The following KCNAB1 variants were observed in gnomAD, a reference collection of about 807,000 sequenced individuals.
The protein encoded by KCNAB1 is potassium voltage-gated channel subfamily A regulatory beta subunit 1, also known as voltage-gated potassium channel subunit beta-1.
KCNAB1 carries 35 observed loss-of-function variants against 64.6 expected under a neutral mutation model. The ratio of observed to expected loss-of-function variants is 0.54; its 90% CI spans 0.41 to 0.72. The LOEUF (loss-of-function observed/expected upper bound fraction) is 0.72, where lower values mean the gene tolerates loss of function less well. Ranked by LOEUF, KCNAB1 falls within the 30% of genes least tolerant of loss-of-function variation. The probability of loss-of-function intolerance (pLI) is 0.00; values close to 1 mark genes in which losing one functional copy is unlikely to be tolerated. For synonymous variants in KCNAB1, 177 were observed against 183.8 expected (o/e 0.96, Z 0.30); for missense variants, 401 against 512.9 (o/e 0.78, Z 2.11).
chr3:156,151,980 C>G (rs1715439200), intron 1 of KCNAB1, among the ~76,000 whole-genome samples: 1 of 152,158 alleles, frequency 6.6e-6, no homozygotes, highest in Non-Finnish European at 1.5e-5. Flanking sequence ...TGACTAATTG[C>G]AAGTCCGCCT....
At chr3:156,159,558 A>G (rs1715953066) in intron 1 of KCNAB1, among the ~76,000 whole-genome samples, 1 of 152,206 alleles carries the variant, frequency 6.6e-6, no homozygotes, top group Non-Finnish European at 1.5e-5. Context: ...GTACAATTAC[A>G]CAAGTGCCAC....
rs1162785902 is a variant in KCNAB1 at position 156,536,844 on chromosome 3, C to T, written c.*97C>T. 1 of 840,018 alleles carries T rather than the reference C, an allele frequency of 1.2e-6. No homozygotes were observed. Among genetic ancestry groups the T allele is most frequent in the African/African-American group, 1.7e-5 (1 of 60,074 alleles). The allele number at this position is 840,018 out of a possible 1,614,324, so 52.0% of individuals were successfully genotyped here. A position where few individuals can be genotyped will look rare whatever the true frequency, so the allele number is the denominator to read the frequency against. Reference sequence around the variant, plus strand: ...ACCAGTCTTTTGAATCACTTAGCAGCTTGCTGCTCAACCTCTAGTGTCCCT... The same window carrying T: ...ACCAGTCTTTTGAATCACTTAGCAGTTTGCTGCTCAACCTCTAGTGTCCCT... On this transcript the variant is annotated 3_prime_UTR_variant, in exon 14 of 14. Coordinates refer to ENST00000490337, the MANE Select transcript of KCNAB1 (RefSeq NM_172160.3).
intron 1 of KCNAB1, among the ~76,000 whole-genome samples, chr3:156,244,112 T>G (rs1046484141): frequency 1.3e-5 from 2 of 152,204 alleles, no homozygotes; most frequent in East Asian, 3.8e-4. Context: ...GACAACAAAT[T>G]TAGTGGCTTA....
At chr3:156,336,375 CAAACAAAA>C (rs1560202814) in intron 1 of KCNAB1, among the ~76,000 whole-genome samples, 1 of 140,258 alleles carries the variant, frequency 7.1e-6, no homozygotes. Context: ...AACAAACAAA[CAAACAAAA>C]AAAGAGTAAC....
chr3:156,303,219 C>T (rs1227631418), intron 1 of KCNAB1, among the ~76,000 whole-genome samples: 1 of 152,184 alleles, frequency 6.6e-6, no homozygotes, highest in Non-Finnish European at 1.5e-5. Flanking sequence ...GCCTAGAATA[C>T]TGGGCTTTGA....
At chr3:156,313,769 A>G (rs1281022829) in intron 1 of KCNAB1, among the ~76,000 whole-genome samples, 1 of 152,222 alleles carries the variant, frequency 6.6e-6, no homozygotes, top group Non-Finnish European at 1.5e-5. Context: ...TTTTTGTGAT[A>G]ATTTGTGATA....
chr3:156,291,020 C>G (rs899803731), intron 1 of KCNAB1: 1 of 985,702 alleles, frequency 1.0e-6, no homozygotes, highest in Non-Finnish European at 1.2e-6. Context: ...ATAAGCACCC[C>G]CTCTCTGCCT....
chr3:156,192,147 T>G (rs1041612732), intron 1 of KCNAB1, among the ~76,000 whole-genome samples: 2 of 152,226 alleles, frequency 1.3e-5, no homozygotes, highest in African/African-American at 4.8e-5. Flanking sequence ...CTTCTTTGAT[T>G]CAGCTTAATA....
chr3:156,303,552 T>C (rs1345509666), intron 1 of KCNAB1, among the ~76,000 whole-genome samples: 2 of 152,100 alleles, frequency 1.3e-5, no homozygotes, highest in Non-Finnish European at 2.9e-5. Flanking sequence ...TGACCTATAG[T>C]CTGGGAAGCA....
intron 1 of KCNAB1, among the ~76,000 whole-genome samples, chr3:156,329,472 A>AC (rs994524335): frequency 2.0e-5 from 3 of 152,072 alleles, no homozygotes; most frequent in South Asian, 4.1e-4. Flanking sequence ...CCGGGAGAGA[A>AC]CCCCCCAACA....
chr3:156,450,094 G>A (rs1038645482), intron 2 of KCNAB1, among the ~76,000 whole-genome samples: 3 of 152,192 alleles, frequency 2.0e-5, no homozygotes, highest in Non-Finnish European at 4.4e-5. Context: ...CTGAATCCAT[G>A]GCTTCTCCCA....
intron 1 of KCNAB1, among the ~76,000 whole-genome samples, chr3:156,237,450 T>C (rs1214453195): frequency 6.6e-6 from 1 of 150,514 alleles, no homozygotes; most frequent in Non-Finnish European, 1.5e-5. Context: ...AAAGTTGCCT[T>C]TTTTTTTTGT....
At chr3:156,164,846 ATAAAT>A (rs1716277450) in intron 1 of KCNAB1, among the ~76,000 whole-genome samples, 1 of 152,224 alleles carries the variant, frequency 6.6e-6, no homozygotes, top group African/African-American at 2.4e-5. Flanking sequence ...AAAAGGGAAA[ATAAAT>A]TTTACTTGCA....
intron 1 of KCNAB1, among the ~76,000 whole-genome samples, chr3:156,157,443 G>A (rs928338457): frequency 4.6e-5 from 7 of 152,132 alleles, no homozygotes; most frequent in Non-Finnish European, 8.8e-5. Flanking sequence ...ATACTCATAA[G>A]TTATCTGTCT....
intron 5 of KCNAB1, among the ~76,000 whole-genome samples, chr3:156,462,140 A>G (rs142916809): frequency 5.9e-5 from 9 of 152,370 alleles, no homozygotes; most frequent in Non-Finnish European, 1.2e-4. Context: ...ATACATTATC[A>G]TTCTCTACCC....
At chr3:156,214,519 A>C (rs183754791) in intron 1 of KCNAB1, among the ~76,000 whole-genome samples, 1 of 152,288 alleles carries the variant, frequency 6.6e-6, no homozygotes, top group East Asian at 1.9e-4. Flanking sequence ...AAAAATGGAA[A>C]GACTCATAAA....
At chr3:156,437,072 T>A (rs1716634050) in intron 2 of KCNAB1, among the ~76,000 whole-genome samples, 1 of 152,208 alleles carries the variant, frequency 6.6e-6, no homozygotes, top group African/African-American at 2.4e-5. Context: ...CTTGCATATT[T>A]TTTTTAAAAT....
intron 2 of KCNAB1, among the ~76,000 whole-genome samples, chr3:156,444,915 T>G (rs1717289681): frequency 6.6e-6 from 1 of 152,196 alleles, no homozygotes; most frequent in African/African-American, 2.4e-5. Context: ...ACTTACTAGT[T>G]ATTTAAACTT....
intron 1 of KCNAB1, among the ~76,000 whole-genome samples, chr3:156,398,723 T>TTATA (rs367564252): frequency 8.0e-5 from 12 of 149,164 alleles, no homozygotes; most frequent in African/African-American, 2.0e-4. Flanking sequence ...GAACTTAAAG[T>TTATA]TATATATATA....
Sources: gnomAD v4.1 joint callset for allele counts (sites outside exome capture counted in the v4.1 genomes callset) on GRCh38, gnomAD v4.1.1 for gene constraint, MANE v1.5 for transcripts, NCBI Gene and HGNC (gene_info 2026-07-23, HGNC 2026-07-21) for gene names.